TUSC3: variants seen among roughly 807,000 people sequenced by gnomAD.
TUSC3 encodes tumor suppressor candidate 3.
A neutral mutation model predicts 44.8 loss-of-function variants in TUSC3; 45 were observed. The observed-to-expected ratio is 1.00, with a 90% CI of 0.79 to 1.29. The LOEUF (loss-of-function observed/expected upper bound fraction) is 1.29, where lower values mean the gene tolerates loss of function less well. TUSC3 is among the 50% of genes most tolerant of loss of function. TUSC3 has a pLI of 0.00. For synonymous variants in TUSC3, 212 were observed against 152.9 expected, an observed-to-expected ratio of 1.39 and a Z score of -2.85; for missense variants, 519 against 437.9, an observed-to-expected ratio of 1.19 and a Z score of -1.65.
chr8:15,435,606 G>A (rs1799935583), intron 1 of TUSC3, among the ~76,000 whole-genome samples: 1 of 152,102 alleles, frequency 6.6e-6, no homozygotes, highest in Non-Finnish European at 1.5e-5. Context: ...AGAGGTACCT[G>A]GTGCCTAAAA....
At chr8:15,572,114 C>G (rs117179109) in intron 1 of TUSC3, among the ~76,000 whole-genome samples, 1 of 152,122 alleles carries the variant, frequency 6.6e-6, no homozygotes, top group South Asian at 2.1e-4. Flanking sequence ...AACCAGGCAT[C>G]GACTTCTCTC....
the TUSC3 span, among the ~76,000 whole-genome samples, chr8:15,787,234 A>T: frequency 6.6e-6 from 1 of 152,166 alleles, no homozygotes; most frequent in East Asian, 1.9e-4. Flanking sequence ...AGTTTCAAAA[A>T]TAATTCCTAC....
intron 1 of TUSC3, among the ~76,000 whole-genome samples, chr8:15,479,930 G>C (rs190451686): frequency 3.3e-4 from 51 of 152,300 alleles, no homozygotes; most frequent in African/African-American, 1.2e-3. Flanking sequence ...AGCTTCTAAA[G>C]CTGATGAGCA....
chr8:15,463,446 C>T (rs1409571921), intron 1 of TUSC3, among the ~76,000 whole-genome samples: 3 of 152,168 alleles, frequency 2.0e-5, no homozygotes, highest in East Asian at 3.9e-4. Flanking sequence ...ATGTTTATTA[C>T]CGGTGTCATA....
chr8:15,700,061 G>A (rs760522581), intron 6 of TUSC3, among the ~76,000 whole-genome samples: 3 of 152,048 alleles, frequency 2.0e-5, no homozygotes, highest in Non-Finnish European at 2.9e-5. Flanking sequence ...ACCCTGTCCT[G>A]TGTGTGTTCC....
rs1389867009 is a variant in TUSC3, at chr8:15,556,786, G to A, written c.138+16218G>A. ...TGAGCATTTTTTCATGTGTTTTTTG[G>A]CTGCATAAATGTCTTCTTTTGAGAA... is the stretch of plus-strand genomic sequence containing the variant. On this transcript the variant is annotated intron_variant, in intron 1 of 10. Coordinates refer to ENST00000503731, the MANE Select transcript of TUSC3 (RefSeq NM_006765.4). Among the ~76,000 whole-genome samples the A allele has an allele frequency of 1.5e-3, 190 of 129,562 alleles. 2 individuals are homozygous for A. Among genetic ancestry groups the A allele is most frequent in the African/African-American group, 5.2e-3 (187 of 35,756 alleles). The allele number at this position is 129,562 out of a possible 152,430, so 85.0% of individuals were successfully genotyped here. A position where few individuals can be genotyped will look rare whatever the true frequency, so the allele number is the denominator to read the frequency against.
chr8:15,504,565 A>G (rs193159022), intron 2 of TUSC3, among the ~76,000 whole-genome samples: 1,616 of 122,742 alleles, frequency 0.013, 44 homozygotes, highest in African/African-American at 0.047. Context: ...ATCCTATTAA[A>G]GGCAACTTTC....
At chr8:15,569,280 C>G (rs1035669247) in intron 1 of TUSC3, among the ~76,000 whole-genome samples, 1 of 152,098 alleles carries the variant, frequency 6.6e-6, no homozygotes, top group Non-Finnish European at 1.5e-5. Flanking sequence ...GCGTCTATAT[C>G]TCTATATAGT....
intron 2 of TUSC3, among the ~76,000 whole-genome samples, chr8:15,487,899 ATTTTTTTT>A: frequency 7.2e-6 from 1 of 138,370 alleles, no homozygotes; most frequent in Non-Finnish European, 1.6e-5. Flanking sequence ...TGTGCTGGCA[ATTTTTTTT>A]TTTTTTTTTT....
intron 6 of TUSC3, among the ~76,000 whole-genome samples, chr8:15,719,221 T>A (rs564284299): frequency 1.3e-5 from 2 of 152,204 alleles, no homozygotes; most frequent in East Asian, 3.9e-4. Flanking sequence ...ACATTGACCC[T>A]CTTACATTTC....
rs1191712308 is a variant in TUSC3, at chr8:15,765,410, A to C, written c.*1254A>C. 1 of 152,042 alleles carries C rather than the reference A, an allele frequency of 6.6e-6. No individual in the cohort carries two copies. Among genetic ancestry groups the C allele is most frequent in the East Asian group, 1.9e-4 (1 of 5,180 alleles). The allele number at this position is 152,042 out of a possible 1,614,324, so 9.4% of individuals were successfully genotyped here. On this transcript the variant is annotated 3_prime_UTR_variant, in exon 11 of 11. Coordinates refer to ENST00000503731, the MANE Select transcript of TUSC3 (RefSeq NM_006765.4). ...TAATTTTCATTAAGATTTGAGTAAC[A>C]GACCATGGAGAATTGTTTTCATTGG...
chr8:15,743,449 A>T, intron 7 of TUSC3, 89 bp from the exon 8 acceptor site: 1 of 1,307,724 alleles, frequency 7.6e-7, no homozygotes, highest in Non-Finnish European at 1.1e-6. Flanking sequence ...TTTGTAGTTT[A>T]ACCATTCTGG....
intron 6 of TUSC3, among the ~76,000 whole-genome samples, chr8:15,703,769 C>T (rs572948286): frequency 1.3e-5 from 2 of 152,148 alleles, no homozygotes; most frequent in East Asian, 3.9e-4. Context: ...GAGGGTGGCA[C>T]CAAGTCCCCC....
chr8:15,493,142 T>C (rs1314086638), intron 2 of TUSC3, among the ~76,000 whole-genome samples: 4 of 152,244 alleles, frequency 2.6e-5, no homozygotes, highest in Admixed American at 6.5e-5. Context: ...ATGAGTGTTA[T>C]TGAGTAACTT....
At chr8:15,523,824 G>A (rs1460320439) in intron 2 of TUSC3, among the ~76,000 whole-genome samples, 10 of 150,892 alleles carry the variant, frequency 6.6e-5, no homozygotes, top group Non-Finnish European at 1.2e-4. Flanking sequence ...TTGAAAGGCC[G>A]AGGCAGGCAG....
At chr8:15,634,340 C>G (rs1805966609) in intron 2 of TUSC3, among the ~76,000 whole-genome samples, 1 of 152,178 alleles carries the variant, frequency 6.6e-6, no homozygotes, top group South Asian at 2.1e-4. Flanking sequence ...GTCCACGATT[C>G]TAGACAGACC....
chr8:15,452,186 C>G (rs1196152495), intron 1 of TUSC3, among the ~76,000 whole-genome samples: 1 of 152,132 alleles, frequency 6.6e-6, no homozygotes, highest in Non-Finnish European at 1.5e-5. Context: ...AGTGCTTTAA[C>G]TATAATTTCA....
At chr8:15,431,016 C>T (rs1799866721) in intron 1 of TUSC3, among the ~76,000 whole-genome samples, 1 of 151,614 alleles carries the variant, frequency 6.6e-6, no homozygotes, top group East Asian at 1.9e-4. Flanking sequence ...TATTTCTGGG[C>T]TCTTTATTTT....
At chr8:15,757,385 G>C (rs1229980001) in intron 9 of TUSC3, among the ~76,000 whole-genome samples, 2 of 152,246 alleles carry the variant, frequency 1.3e-5, no homozygotes, top group South Asian at 2.1e-4. Context: ...TTTGAAAAAA[G>C]TATGATAGTG....
Sources: gnomAD v4.1 joint callset for allele counts (sites outside exome capture counted in the v4.1 genomes callset) on GRCh38, gnomAD v4.1.1 for gene constraint, MANE v1.5 for transcripts, NCBI Gene and HGNC (gene_info 2026-07-23, HGNC 2026-07-21) for gene names.